Variants in METTL15 observed in about 807,000 individuals in gnomAD.
METTL15 encodes methyltransferase 15, mitochondrial 12S rRNA N4-cytidine, also known as 12S rRNA N(4)-cytidine methyltransferase METTL15.
METTL15 carries 34 observed loss-of-function variants against 38.3 expected under a neutral mutation model. The observed-to-expected ratio is 0.89, with a 90% confidence interval of 0.68 to 1.18. METTL15 has a LOEUF of 1.18. Ranked by LOEUF, METTL15 falls within the 50% of genes most tolerant of loss-of-function variation. METTL15 has a pLI of 0.00. For synonymous variants in METTL15, 162 were observed against 170.9 expected (o/e 0.95, Z 0.41); for missense variants, 438 against 498.4 (o/e 0.88, Z 1.15).
chr11:28,403,124 G>A (rs1229130007), intron 5 of METTL15, among the ~76,000 whole-genome samples: 1 of 151,940 alleles, frequency 6.6e-6, no homozygotes, highest in East Asian at 1.9e-4. Context: ...TGACATTTCT[G>A]ACAGCAGATG....
chr11:28,435,506 A>C (rs546132646), intron 6 of METTL15, among the ~76,000 whole-genome samples: 3 of 152,154 alleles, frequency 2.0e-5, no homozygotes, highest in Non-Finnish European at 4.4e-5. Context: ...ATTGTTCTCC[A>C]TGGCTCTTGG....
At chr11:28,286,476 AG>A (rs1298089072) in intron 4 of METTL15, among the ~76,000 whole-genome samples, 1 of 152,148 alleles carries the variant, frequency 6.6e-6, no homozygotes, top group African/African-American at 2.4e-5. Context: ...TTGGAAACTA[AG>A]GTAGCCAACA....
chr11:28,267,055 G>T (rs1474925815), intron 4 of METTL15, among the ~76,000 whole-genome samples: 1 of 151,098 alleles, frequency 6.6e-6, no homozygotes, highest in Non-Finnish European at 1.5e-5. Flanking sequence ...AGCTACTCAG[G>T]AGGCTGACAC....
At chr11:28,228,390 A>C (rs1179015502) in intron 4 of METTL15, among the ~76,000 whole-genome samples, 2 of 151,960 alleles carry the variant, frequency 1.3e-5, no homozygotes, top group African/African-American at 4.8e-5. Flanking sequence ...ATCTTTAAAA[A>C]TGGAAATAAT....
At chr11:28,108,695 G>A (rs1851590182) in intron 1 of METTL15, among the ~76,000 whole-genome samples, 1 of 152,220 alleles carries the variant, frequency 6.6e-6, no homozygotes, top group East Asian at 1.9e-4. Context: ...CATTTCTCAG[G>A]ACTTCCAGGC....
intron 5 of METTL15, among the ~76,000 whole-genome samples, chr11:28,386,451 C>CT (rs996498501): frequency 2.6e-5 from 4 of 151,596 alleles, no homozygotes; most frequent in Admixed American, 2.0e-4. Context: ...AAAAAATAGA[C>CT]TTTAAGTTAA....
rs1856458805 is a variant in METTL15, at chr11:28,290,284, T to G, written c.486T>G (p.Thr162=). The G allele has an allele frequency of 1.9e-6, 3 of 1,613,400 alleles. No individual in the cohort carries two copies. The South Asian group carries it at 3.3e-5, about 18-fold the overall frequency. Residue 162 remains threonine, a synonymous_variant, in exon 5 of 7, where the codon ACT becomes ACG. Transcript: ENST00000407364. The stretch of plus-strand genomic sequence containing the variant: ...TGAAAGCTGGAGTGCAGCCAGGAAC[T>G]TTTGATGGAGTTCTTATGGATCTTG... The part of the protein sequence containing the change: ...LLMKAGVQPG[T]FDGVLMDLGC...
chr11:28,210,855 T>C (rs1338405441), intron 3 of METTL15, among the ~76,000 whole-genome samples: 2 of 152,036 alleles, frequency 1.3e-5, no homozygotes, highest in Non-Finnish European at 2.9e-5. Flanking sequence ...ATTTTACTGA[T>C]AGTCTGATCA....
At chr11:28,220,920 G>T (rs533470236) in intron 4 of METTL15, among the ~76,000 whole-genome samples, 1 of 152,030 alleles carries the variant, frequency 6.6e-6, no homozygotes, top group Non-Finnish European at 1.5e-5. Context: ...AGAGTTTTGC[G>T]GAGAGATCAA....
intron 6 of METTL15, among the ~76,000 whole-genome samples, chr11:28,518,629 GAAGT>G (rs1451967721): frequency 2.0e-5 from 3 of 152,184 alleles, no homozygotes; most frequent in Non-Finnish European, 2.9e-5. Flanking sequence ...TACTGGTGGT[GAAGT>G]AAGTAAGGAA....
At chr11:28,458,478 C>T (rs1851188368) in intron 6 of METTL15, among the ~76,000 whole-genome samples, 1 of 152,202 alleles carries the variant, frequency 6.6e-6, no homozygotes, top group Non-Finnish European at 1.5e-5. Context: ...CTAGTCTTCT[C>T]TTCCTCCAAA....
intron 5 of METTL15, among the ~76,000 whole-genome samples, chr11:28,363,162 T>G (rs1189728842): frequency 1.3e-5 from 2 of 152,114 alleles, no homozygotes; most frequent in Non-Finnish European, 1.5e-5. Context: ...TTTATATGTC[T>G]TCTTCTTTTT....
downstream of METTL15, among the ~76,000 whole-genome samples, chr11:28,335,958 G>A (rs938912468): frequency 1.4e-4 from 22 of 152,256 alleles, no homozygotes; most frequent in African/African-American, 3.6e-4. Flanking sequence ...AGTTCTGGAC[G>A]TATAGTAAAC....
intron 6 of METTL15, among the ~76,000 whole-genome samples, chr11:28,509,079 A>C (rs1241283885): frequency 6.6e-6 from 1 of 152,198 alleles, no homozygotes; most frequent in Non-Finnish European, 1.5e-5. Flanking sequence ...CGATAATGTT[A>C]AAAGGCCTCT....
intron 4 of METTL15, among the ~76,000 whole-genome samples, chr11:28,274,988 G>T (rs1334101657): frequency 6.6e-6 from 1 of 151,180 alleles, no homozygotes; most frequent in Non-Finnish European, 1.5e-5. Context: ...AAAAAGGGAA[G>T]TTTATAGTAA....
intron 3 of METTL15, among the ~76,000 whole-genome samples, 174 bp downstream of exon 3, chr11:28,113,778 C>T (rs186969619): frequency 1.1e-3 from 164 of 152,216 alleles, no homozygotes; most frequent in African/African-American, 2.2e-3. Flanking sequence ...CTTTTCAGTG[C>T]CATACAACCA....
intron 5 of METTL15, among the ~76,000 whole-genome samples, chr11:28,390,792 G>T (rs1850497373): frequency 6.6e-6 from 1 of 152,178 alleles, no homozygotes; most frequent in Admixed American, 6.5e-5. Flanking sequence ...TGATGGGGAT[G>T]GCATTGAATC....
intron 3 of METTL15, among the ~76,000 whole-genome samples, chr11:28,114,755 A>G (rs1014099630): frequency 5.9e-5 from 9 of 152,162 alleles, no homozygotes; most frequent in African/African-American, 1.9e-4. Flanking sequence ...CCGGCCTTGT[A>G]CAAGTTTTGG....
At chr11:28,252,110 C>T (rs1854769807) in intron 4 of METTL15, among the ~76,000 whole-genome samples, 1 of 152,132 alleles carries the variant, frequency 6.6e-6, no homozygotes, top group South Asian at 2.1e-4. Flanking sequence ...GGCATGCTCT[C>T]AATGTGAAGG....
Sources: allele counts gnomAD v4.1 joint callset (sites outside exome capture counted in the v4.1 genomes callset), GRCh38; gene constraint gnomAD v4.1.1; transcripts MANE v1.5; gene names NCBI Gene and HGNC (gene_info 2026-07-23, HGNC 2026-07-21).